The following CDC42BPB variants were observed in gnomAD, a reference collection of about 807,000 sequenced individuals.
The protein encoded by CDC42BPB is serine/threonine-protein kinase MRCK beta.
In CDC42BPB, 37 loss-of-function variants were observed where a neutral mutation model predicts 214.9. The observed-to-expected ratio is 0.17, with a 90% CI of 0.13 to 0.23. CDC42BPB has a LOEUF of 0.23. Ranked by LOEUF, CDC42BPB falls within the 10% of genes least tolerant of loss-of-function variation. The pLI is 1.00. For synonymous variants in CDC42BPB, 931 were observed against 884.0 expected, an observed-to-expected ratio of 1.05 and a Z score of -0.94; for missense variants, 1,694 against 2,227.0, an observed-to-expected ratio of 0.76 and a Z score of 4.82.
chr14:103,035,246 G>A (rs769258972), intron 1 of CDC42BPB, among the ~76,000 whole-genome samples: 7 of 151,910 alleles, frequency 4.6e-5, no homozygotes, highest in Non-Finnish European at 8.8e-5. Flanking sequence ...TAGTAGAGAC[G>A]GGGTTTCTCC....
rs1886190037 is a variant in CDC42BPB, at chr14:103,012,090, A to G, written c.267+7T>C. 2 of 1,597,120 alleles carry G rather than the reference A, an allele frequency of 1.3e-6. No individual in the cohort carries two copies. The highest frequency in any genetic ancestry group is 1.3e-5 in the African/African-American group (1 of 74,748). On this transcript the variant is annotated splice_region_variant and intron_variant, in intron 2 of 36. Transcript: ENST00000361246. ...AGGCAAAGTTAACAAAATGAAGTTT[A>G]TCTTACCTCACCAAAAGCACCTCTT...
chr14:103,005,146 C>T (rs993421369), intron 3 of CDC42BPB, among the ~76,000 whole-genome samples: 54 of 148,174 alleles, frequency 3.6e-4, no homozygotes, highest in African/African-American at 1.2e-3. Flanking sequence ...CCAGCCTGGG[C>T]GACAAAGCGA....
At chr14:102,968,393 CG>C in intron 15 of CDC42BPB, 35 bp from the exon 16 acceptor site, 1 of 1,612,730 alleles carries the variant, frequency 6.2e-7, no homozygotes, top group Non-Finnish European at 8.5e-7. Flanking sequence ...TTTAAAAGCT[CG>C]TAACTTCACT....
Position 102,968,394 on chromosome 14 carries a change from G to A in CDC42BPB, c.2241-36C>T, listed in dbSNP as rs371513527. ...GAGCGAGAAACAGTTTTAAAAGCTC[G>A]TAACTTCACTGATATTCGTATCTAT... is the stretch of plus-strand genomic sequence containing the variant. On this transcript the variant is annotated intron_variant, in intron 15 of 36. Coordinates refer to ENST00000361246, the MANE Select transcript of CDC42BPB (RefSeq NM_006035.4). 16 of 1,612,480 alleles carry A rather than the reference G, an allele frequency of 9.9e-6. No individual in the cohort carries two copies. The African/African-American group carries it at 1.2e-4, about 12-fold the overall frequency.
chr14:102,973,596 CCACAGCCACCATGCCCTATG>C lies in CDC42BPB; in HGVS notation c.1641+400_1641+419del, dbSNP rs1172777564. Reference sequence around the variant, plus strand: ...CTGGCTCGGGACGCAGCGTGTGTTGCCACAGCCACCATGCCCTATGCACAGCCACCATGCCCTGTGGACGG... The same window carrying C: ...CTGGCTCGGGACGCAGCGTGTGTTGCCACAGCCACCATGCCCTGTGGACGG... On this transcript the variant is annotated intron_variant, in intron 12 of 36. Transcript: ENST00000361246. Among the ~76,000 whole-genome samples the C allele has an allele frequency of 1.5e-4, 23 of 151,906 alleles. No individual in the cohort carries two copies. The East Asian group carries it at 2.7e-3, about 18-fold the overall frequency.
intron 20 of CDC42BPB, among the ~76,000 whole-genome samples, chr14:102,961,323 T>A (rs995298210): frequency 1.3e-5 from 2 of 152,058 alleles, no homozygotes; most frequent in African/African-American, 4.8e-5. Flanking sequence ...ACAAAAAATT[T>A]TGAAAACCAC....
intron 20 of CDC42BPB, 128 bp from the exon 21 acceptor site, chr14:102,959,838 T>TAAAAAAAAAAA (rs35833302): frequency 2.8e-6 from 2 of 718,866 alleles, no homozygotes; most frequent in African/African-American, 2.9e-5. Flanking sequence ...TGATCACAAT[T>TAAAAAAAAAAA]AAAAAAAAAA....
At chr14:103,010,606 C>A (rs1026473217) in intron 2 of CDC42BPB, among the ~76,000 whole-genome samples, 1 of 152,246 alleles carries the variant, frequency 6.6e-6, no homozygotes, top group Non-Finnish European at 1.5e-5. Flanking sequence ...GCAGAGCACA[C>A]CTGCTGCTGG....
intron 24 of CDC42BPB, 129 bp from the exon 25 acceptor site, chr14:102,950,731 C>T (rs544949822): frequency 9.6e-6 from 13 of 1,358,596 alleles, no homozygotes; most frequent in East Asian, 6.0e-5. Flanking sequence ...TTTCGGAGGC[C>T]GAGGTGGGCA....
At chr14:103,033,172 A>AT (rs1457555090) in intron 1 of CDC42BPB, among the ~76,000 whole-genome samples, 1 of 152,108 alleles carries the variant, frequency 6.6e-6, no homozygotes, top group Admixed American at 6.5e-5. Flanking sequence ...ATAACTGTTG[A>AT]AACTGGTGGT....
chr14:103,041,534 A>G, intron 1 of CDC42BPB: 1 of 1,367,398 alleles, frequency 7.3e-7, no homozygotes, highest in East Asian at 2.3e-5. Flanking sequence ...GCTCGTGGCC[A>G]CATGGTTCAA....
chr14:103,026,353 T>C (rs544958300), intron 1 of CDC42BPB, among the ~76,000 whole-genome samples: 1 of 152,024 alleles, frequency 6.6e-6, no homozygotes, highest in Admixed American at 6.6e-5. Context: ...ATCACGCCAT[T>C]GCATTCCAGC....
At chr14:102,972,828 C>CA (rs1400411472) in intron 12 of CDC42BPB, among the ~76,000 whole-genome samples, 1 of 150,348 alleles carries the variant, frequency 6.7e-6, no homozygotes, top group African/African-American at 2.5e-5. Context: ...TGCACAGCCG[C>CA]AAAGCTGAAT....
rs776104283 is a variant in CDC42BPB at position 103,008,524 on chromosome 14, C to T, written c.299G>A (p.Arg100Gln). The part of the protein sequence containing the change: ...VAVVKMKNTE[R>Q]IYAMKILNKW... Reference sequence around the variant, plus strand: ...GTTGAGGATTTTCATTGCATAAATTCGTTCAGTATTCTTCATTTTGACAAC... The same window carrying T: ...GTTGAGGATTTTCATTGCATAAATTTGTTCAGTATTCTTCATTTTGACAAC... Residue 100 changes from arginine (R) to glutamine (Q), a missense_variant, in exon 3 of 37, where the codon CGA (arginine) becomes CAA (glutamine). Coordinates refer to ENST00000361246, the MANE Select transcript of CDC42BPB (RefSeq NM_006035.4). 3.1e-6 allele frequency: 5 copies of T among 1,612,474 alleles called. No individual in the cohort carries two copies. Among genetic ancestry groups the T allele is most frequent in the East Asian group, 4.5e-5 (2 of 44,884 alleles).
At chr14:103,013,175 G>A (rs533937379) in intron 1 of CDC42BPB, among the ~76,000 whole-genome samples, 90 of 152,338 alleles carry the variant, frequency 5.9e-4, no homozygotes, top group Non-Finnish European at 7.6e-4. Flanking sequence ...CAGGACACAA[G>A]TGCGTGAGGT....
At chr14:102,939,507 C>A in intron 34 of CDC42BPB, 103 bp downstream of exon 34, 1 of 824,548 alleles carries the variant, frequency 1.2e-6, no homozygotes. Flanking sequence ...ACAGCGCCAG[C>A]CTCGCAGGCA....
chr14:103,051,994 A>G (rs1348085970), intron 1 of CDC42BPB, among the ~76,000 whole-genome samples: 1 of 152,066 alleles, frequency 6.6e-6, no homozygotes, highest in Non-Finnish European at 1.5e-5. Flanking sequence ...TATGCGTGCC[A>G]CCACACCCGG....
chr14:102,968,167 T>A, intron 16 of CDC42BPB, 86 bp downstream of exon 16: 2 of 868,784 alleles, frequency 2.3e-6, no homozygotes, highest in East Asian at 5.1e-5. Context: ...ATATACCTAC[T>A]ATGTACCCAC....
At chr14:103,045,096 T>C (rs1385724775) in intron 1 of CDC42BPB, among the ~76,000 whole-genome samples, 2 of 151,870 alleles carry the variant, frequency 1.3e-5, no homozygotes, top group Non-Finnish European at 2.9e-5. Context: ...CTCACCAGTT[T>C]TTTAAACAAA....
Sources: allele counts gnomAD v4.1 joint callset (sites outside exome capture counted in the v4.1 genomes callset), GRCh38; gene constraint gnomAD v4.1.1; transcripts MANE v1.5; gene names NCBI Gene and HGNC (gene_info 2026-07-23, HGNC 2026-07-21).